TRDN: variants seen among roughly 807,000 people sequenced by gnomAD.
TRDN encodes the protein triadin in skeletal muscle.
In TRDN, 161 loss-of-function variants were observed where a neutral mutation model predicts 149.7. The ratio of observed to expected loss-of-function variants is 1.08; its 90% CI spans 0.95 to 1.23. TRDN has a LOEUF of 1.23. TRDN is among the 50% of genes most tolerant of loss of function. The pLI, the probability that TRDN is intolerant of heterozygous loss-of-function variation, is 0.00. For missense variants in TRDN, 896 were observed against 823.5 expected, an observed-to-expected ratio of 1.09 and a Z score of -1.08; for synonymous variants, 294 against 250.5, an observed-to-expected ratio of 1.17 and a Z score of -1.64.
intron 10 of TRDN, among the ~76,000 whole-genome samples, chr6:123,450,731 A>G (rs1775718121): frequency 6.6e-6 from 1 of 152,130 alleles, no homozygotes; most frequent in Admixed American, 6.5e-5. Context: ...GATTTAAACT[A>G]TATCTTGGAA....
At chr6:123,534,062 G>A (rs1432801186) in intron 4 of TRDN, among the ~76,000 whole-genome samples, 1 of 152,054 alleles carries the variant, frequency 6.6e-6, no homozygotes, top group African/African-American at 2.4e-5. Flanking sequence ...CCTCACTGCT[G>A]TGGGCAGATG....
At chr6:123,269,249 T>C (rs951118893) in intron 31 of TRDN, among the ~76,000 whole-genome samples, 1 of 151,996 alleles carries the variant, frequency 6.6e-6, no homozygotes, top group African/African-American at 2.4e-5. Context: ...ACCTGTACAG[T>C]GAAATGAAGG....
chr6:123,463,606 G>A (rs1343964415), intron 10 of TRDN, among the ~76,000 whole-genome samples: 1 of 151,938 alleles, frequency 6.6e-6, no homozygotes, highest in African/African-American at 2.4e-5. Flanking sequence ...AACAGAATTA[G>A]AATCCCATGA....
chr6:123,612,563 G>A (rs1045070695), intron 1 of TRDN, among the ~76,000 whole-genome samples: 3 of 152,084 alleles, frequency 2.0e-5, no homozygotes, highest in Non-Finnish European at 4.4e-5. Context: ...AGATTTAGGA[G>A]AGGACATCTT....
At chr6:123,388,828 T>C (rs1042432096) in intron 13 of TRDN, among the ~76,000 whole-genome samples, 8 of 152,174 alleles carry the variant, frequency 5.3e-5, no homozygotes, top group Non-Finnish European at 1.0e-4. Context: ...TGTAAATTCA[T>C]TTTAGATTTT....
At chr6:123,582,192 C>T (rs528247730) in intron 1 of TRDN, among the ~76,000 whole-genome samples, 16 of 152,132 alleles carry the variant, frequency 1.1e-4, no homozygotes, top group African/African-American at 3.6e-4. Flanking sequence ...CATTTCCACT[C>T]GAACTGAGGG....
chr6:123,414,201 A>G (rs1039641259), intron 12 of TRDN, among the ~76,000 whole-genome samples: 6 of 152,064 alleles, frequency 3.9e-5, no homozygotes, highest in East Asian at 1.9e-4. Context: ...AATTAATAAT[A>G]CTTTCCGAAA....
At chr6:123,470,890 C>T (rs4445067) in intron 9 of TRDN, 133,725 of 152,212 alleles carry the variant, frequency 0.88, 58,832 homozygotes, top group East Asian at 0.98. Context: ...GAAATACTTA[C>T]TGAGTGCCTA....
chr6:123,354,150 G>C (rs144806980), intron 20 of TRDN, among the ~76,000 whole-genome samples: 1 of 151,830 alleles, frequency 6.6e-6, no homozygotes, highest in East Asian at 1.9e-4. Context: ...TCCCTTGAAG[G>C]GCAACCACAA....
At chr6:123,329,911 G>A (rs1456830110) in intron 23 of TRDN, among the ~76,000 whole-genome samples, 1 of 151,848 alleles carries the variant, frequency 6.6e-6, no homozygotes, top group African/African-American at 2.4e-5. Flanking sequence ...CTAAAAATTA[G>A]GAAGAAAATG....
intron 2 of TRDN, among the ~76,000 whole-genome samples, chr6:123,561,264 T>C (rs1455815778): frequency 6.6e-6 from 1 of 152,144 alleles, no homozygotes; most frequent in Admixed American, 6.5e-5. Context: ...CAGTGAAACA[T>C]TTATATACCT....
chr6:123,474,960 G>C (rs1448057178), intron 9 of TRDN, among the ~76,000 whole-genome samples: 1 of 152,074 alleles, frequency 6.6e-6, no homozygotes, highest in Non-Finnish European at 1.5e-5. Context: ...AAGCAGGAAA[G>C]ATCCAAAATT....
intron 4 of TRDN, among the ~76,000 whole-genome samples, chr6:123,540,087 G>C (rs371897402): frequency 5.1e-4 from 78 of 152,240 alleles, no homozygotes; most frequent in Middle Eastern, 3.4e-3. Context: ...TCTTAATTTT[G>C]GGAACCACTT....
intron 10 of TRDN, among the ~76,000 whole-genome samples, chr6:123,460,554 A>C (rs1055557891): frequency 6.6e-6 from 1 of 152,144 alleles, no homozygotes; most frequent in East Asian, 1.9e-4. Flanking sequence ...ACAAAGAAAA[A>C]TATTATATTG....
At chr6:123,473,681 G>A (rs1448047521) in intron 9 of TRDN, among the ~76,000 whole-genome samples, 1 of 151,210 alleles carries the variant, frequency 6.6e-6, no homozygotes, top group African/African-American at 2.4e-5. Flanking sequence ...AAAATGTTAA[G>A]GGCAGCCAGA....
chr6:123,540,815 T>G (rs1055278521), intron 4 of TRDN, among the ~76,000 whole-genome samples: 1 of 152,184 alleles, frequency 6.6e-6, no homozygotes, highest in East Asian at 1.9e-4. Flanking sequence ...ACCGCCAATG[T>G]GAGTTGGATT....
At chr6:123,381,539 G>A in intron 15 of TRDN, 149 bp from the exon 16 acceptor site, 1 of 694,926 alleles carries the variant, frequency 1.4e-6, no homozygotes, top group South Asian at 1.9e-5. Context: ...TCACAGTGAG[G>A]CTCTGAGGTA....
At chr6:123,243,962 G>C (rs1466954086) in intron 38 of TRDN, among the ~76,000 whole-genome samples, 1 of 152,106 alleles carries the variant, frequency 6.6e-6, no homozygotes, top group African/African-American at 2.4e-5. Context: ...AAAACTAACA[G>C]GAATTTATAG....
chr6:123,231,371 A>C (rs1480726737), intron 38 of TRDN, among the ~76,000 whole-genome samples: 1 of 151,928 alleles, frequency 6.6e-6, no homozygotes, highest in Non-Finnish European at 1.5e-5. Flanking sequence ...TTTTATGGAC[A>C]CTCTTCCACT....
Sources: allele counts gnomAD v4.1 joint callset (sites outside exome capture counted in the v4.1 genomes callset), GRCh38; gene constraint gnomAD v4.1.1; transcripts MANE v1.5; gene names NCBI Gene and HGNC (gene_info 2026-07-23, HGNC 2026-07-21).